The following FSTL5 variants were observed in gnomAD, a reference collection of about 807,000 sequenced individuals.
The protein encoded by FSTL5 is follistatin like 5.
A neutral mutation model predicts 89.1 loss-of-function variants in FSTL5; 62 were observed. The observed-to-expected ratio is 0.70, with a 90% CI of 0.57 to 0.86. The LOEUF is 0.86. Ranked by LOEUF, FSTL5 falls within the 40% of genes least tolerant of loss-of-function variation. The probability of loss-of-function intolerance (pLI) is 0.00; values close to 1 mark genes in which losing one functional copy is unlikely to be tolerated. For synonymous variants in FSTL5, 383 were observed against 346.2 expected, an observed-to-expected ratio of 1.11 and a Z score of -1.18; for missense variants, 1,057 against 1,001.6, an observed-to-expected ratio of 1.06 and a Z score of -0.75.
At chr4:161,899,817 G>T (rs761564451) in intron 4 of FSTL5, among the ~76,000 whole-genome samples, 1 of 152,120 alleles carries the variant, frequency 6.6e-6, no homozygotes, top group Admixed American at 6.6e-5. Context: ...CTAACAGATT[G>T]TATTTAGTGA....
Position 161,907,069 on chromosome 4 carries a change from A to C in FSTL5, c.409+13335T>G, listed in dbSNP as rs576185731. ...ATGTTTCCACTTGTTAAAATCTTTA[A>C]AGGCCAAAACATGTGCTATGTTACT... On this transcript the variant is annotated intron_variant, in intron 4 of 15. Transcript: ENST00000306100. Among the ~76,000 whole-genome samples, 310 of 152,192 alleles carry C rather than the reference A, an allele frequency of 2.0e-3. 1 individual carries two copies. The highest frequency in any genetic ancestry group is 3.8e-3 in the Non-Finnish European group (255 of 67,970).
chr4:162,107,423 T>C (rs961591147), intron 2 of FSTL5, among the ~76,000 whole-genome samples: 28 of 152,174 alleles, frequency 1.8e-4, no homozygotes, highest in African/African-American at 6.8e-4. Flanking sequence ...TCATGGCTGT[T>C]CTGAGTACAC....
chr4:161,861,606 G>A (rs933233232), intron 4 of FSTL5, among the ~76,000 whole-genome samples: 4 of 152,134 alleles, frequency 2.6e-5, no homozygotes, highest in Admixed American at 6.6e-5. Context: ...CCAATTTTGG[G>A]TAACATGAAA....
chr4:161,602,387 AT>A (rs1451161934), intron 7 of FSTL5, among the ~76,000 whole-genome samples: 1 of 152,076 alleles, frequency 6.6e-6, no homozygotes, highest in Non-Finnish European at 1.5e-5. Context: ...AATGGACATT[AT>A]TGAAACTGAA....
intron 4 of FSTL5, among the ~76,000 whole-genome samples, chr4:161,912,744 G>A (rs1440571249): frequency 1.3e-5 from 2 of 152,140 alleles, no homozygotes; most frequent in Non-Finnish European, 2.9e-5. Flanking sequence ...AAGAGGCAGA[G>A]GTTGGAACAG....
chr4:161,881,624 C>G (rs537485778), intron 4 of FSTL5, among the ~76,000 whole-genome samples: 1 of 152,058 alleles, frequency 6.6e-6, no homozygotes, highest in African/African-American at 2.4e-5. Flanking sequence ...GCTCTACAAA[C>G]TCCAGTGAAG....
At chr4:161,852,020 A>G (rs1428565477) in intron 4 of FSTL5, among the ~76,000 whole-genome samples, 1 of 152,056 alleles carries the variant, frequency 6.6e-6, no homozygotes, top group Non-Finnish European at 1.5e-5. Flanking sequence ...TCATAGCATT[A>G]TCAGAAAATG....
chr4:161,542,650 C>A lies in FSTL5; in HGVS notation c.1059G>T (p.Glu353Asp). ...IRVYPESQAR[E>D]PGVTASLRCH... is the part of the protein sequence containing the mutation. The stretch of plus-strand genomic sequence containing the variant: ...ACCTAAGACTGGCAGTTACCCCAGG[C>A]TCTCTAGCCTGACTCTCTGGATACA... The change falls in exon 9 of 16, where the codon GAG (glutamate) becomes GAT (aspartate). Residue 353 changes from glutamate (E) to aspartate (D), a missense_variant. Physicochemically the swap from Glu to Asp is conservative, Grantham distance 45. Transcript: ENST00000306100. 2 of 1,545,908 alleles carry A rather than the reference C, an allele frequency of 1.3e-6. No homozygotes were observed. The highest frequency in any genetic ancestry group is 1.8e-6 in the Non-Finnish European group (2 of 1,141,862).
intron 2 of FSTL5, among the ~76,000 whole-genome samples, chr4:162,058,511 C>T (rs1369552342): frequency 3.2e-5 from 3 of 92,796 alleles, no homozygotes; most frequent in Non-Finnish European, 6.7e-5. Flanking sequence ...ACTGCAACCT[C>T]CGCCTCCCAG....
chr4:161,803,234 G>A (rs974528811), intron 4 of FSTL5, among the ~76,000 whole-genome samples: 21 of 151,972 alleles, frequency 1.4e-4, no homozygotes, highest in Non-Finnish European at 2.5e-4. Context: ...TTCATGCTAC[G>A]ACTATATCTA....
chr4:161,578,685 G>A (rs1733321733), intron 8 of FSTL5, among the ~76,000 whole-genome samples: 1 of 151,958 alleles, frequency 6.6e-6, no homozygotes, highest in Non-Finnish European at 1.5e-5. Context: ...TATATAAATT[G>A]CTGATACCCA....
chr4:161,500,406 G>T (rs1257962788), intron 11 of FSTL5, among the ~76,000 whole-genome samples: 1 of 151,978 alleles, frequency 6.6e-6, no homozygotes, highest in Admixed American at 6.6e-5. Context: ...TATAAATAGG[G>T]ATATAAACTC....
intron 6 of FSTL5, 118 bp downstream of exon 6, chr4:161,759,293 A>C: frequency 1.1e-6 from 1 of 933,580 alleles, no homozygotes; most frequent in Non-Finnish European, 1.6e-6. Context: ...AAATTCACTA[A>C]ATTATATAAT....
At chr4:161,919,520 A>C (rs1041925855) in intron 4 of FSTL5, among the ~76,000 whole-genome samples, 1 of 152,202 alleles carries the variant, frequency 6.6e-6, no homozygotes. Flanking sequence ...TTCAGCCATA[A>C]ATTTAAGCTA....
chr4:161,927,476 G>A (rs999964039), intron 3 of FSTL5, among the ~76,000 whole-genome samples: 3 of 150,700 alleles, frequency 2.0e-5, no homozygotes, highest in Admixed American at 6.6e-5. Flanking sequence ...AATGTTTATT[G>A]TTAAAGTCAG....
chr4:161,627,440 T>C (rs1340868082), intron 7 of FSTL5, among the ~76,000 whole-genome samples: 1 of 152,206 alleles, frequency 6.6e-6, no homozygotes, highest in African/African-American at 2.4e-5. Flanking sequence ...CATTATAGTA[T>C]AAATATAACT....
chr4:161,977,448 T>C (rs759355551), intron 3 of FSTL5, among the ~76,000 whole-genome samples: 24 of 150,846 alleles, frequency 1.6e-4, no homozygotes, highest in Non-Finnish European at 2.4e-4. Flanking sequence ...CCGTCTCTAC[T>C]AAAAAATAGA....
At chr4:162,107,366 G>T (rs939816193) in intron 2 of FSTL5, among the ~76,000 whole-genome samples, 1 of 152,162 alleles carries the variant, frequency 6.6e-6, no homozygotes, top group African/African-American at 2.4e-5. Context: ...AGCTAACAGA[G>T]TACCCGCTAT....
At chr4:161,775,588 TTATAAATTC>T (rs1341400478) in intron 5 of FSTL5, among the ~76,000 whole-genome samples, 11 of 152,074 alleles carry the variant, frequency 7.2e-5, no homozygotes, top group African/African-American at 2.4e-4. Flanking sequence ...AGGAAAGATA[TTATAAATTC>T]TACAAGATAA....
Sources: gnomAD v4.1 joint callset for allele counts (sites outside exome capture counted in the v4.1 genomes callset) on GRCh38, gnomAD v4.1.1 for gene constraint, MANE v1.5 for transcripts, NCBI Gene and HGNC (gene_info 2026-07-23, HGNC 2026-07-21) for gene names.